The following PKD1 variants were observed in gnomAD, a reference collection of about 807,000 sequenced individuals.
The protein encoded by PKD1 is polycystin 1, transient receptor potential channel interacting.
In PKD1, 81 loss-of-function variants were observed where a neutral mutation model predicts 361.7. The ratio of observed to expected loss-of-function variants is 0.22; its 90% CI spans 0.19 to 0.27. The LOEUF (loss-of-function observed/expected upper bound fraction) is 0.27. Among genes scored for constraint, PKD1 ranks in the 10% least tolerant of loss-of-function variants. The pLI, the probability that PKD1 is intolerant of heterozygous loss-of-function variation, is 1.00. For missense variants in PKD1, 6,399 were observed against 6,118.3 expected, an observed-to-expected ratio of 1.05 and a Z score of -1.53; for synonymous variants, 3,615 against 2,818.3, an observed-to-expected ratio of 1.28 and a Z score of -8.95.
Position 2,100,780 on chromosome 16 carries a change from A to G in PKD1, c.9398-214T>C, listed in dbSNP as rs2151743456. 3.4e-6 allele frequency: 2 copies of G among 593,234 alleles called. No individual in the cohort carries two copies. The highest frequency in any genetic ancestry group is 5.6e-5 in the East Asian group (2 of 35,610). 36.7% of individuals were successfully genotyped at this position (593,234 alleles called of 1,614,324 possible). On this transcript the variant is annotated intron_variant, in intron 26 of 45. Coordinates refer to ENST00000262304, the MANE Select transcript of PKD1 (RefSeq NM_001009944.3). The surrounding 1 kb of genome is among the most constrained non-coding windows in gnomAD (Gnocchi z 4.4). ...AAGGACATGATTAAGTTACATGGAA[A>G]GAACTGTAACTTGTGACATGCAAAC...
In PKD1 at chr16:2,090,124, G is replaced by T. The variant is rs781744375; in HGVS notation, c.12515C>A (p.Ser4172Tyr). Residue 4172 changes from serine to tyrosine, a missense_variant, in exon 46 of 46, where the codon TCC becomes TAC. Ser to Tyr is a moderately radical substitution (Grantham distance 144). Coordinates refer to ENST00000262304, the MANE Select transcript of PKD1 (RefSeq NM_001009944.3). The stretch of plus-strand genomic sequence containing the variant: ...AGCGCTGGGTGGGGGCACATCCGGG[G>T]ATACCTTGGAGCCCCTGGAGGAGCG... Reference protein sequence around the residue: ...PSRSSRGSKVSPDVPPPSAGS... With the variant: ...PSRSSRGSKVYPDVPPPSAGS... 4 of 1,599,488 alleles carry T rather than the reference G, an allele frequency of 2.5e-6. No individual in the cohort carries two copies. The highest frequency in any genetic ancestry group is 3.4e-6 in the Non-Finnish European group (4 of 1,171,742).
In PKD1 at chr16:2,110,012, C is replaced by A; in HGVS notation, c.5155G>T (p.Gly1719Trp). ...DCTMDFVEPV[G>W]WLMVAASPNP... The stretch of plus-strand genomic sequence containing the variant: ...GGGGAGGCGGCCACCATCAGCCACC[C>A]CACAGGCTCCACGAAGTCCATGGTG... The change falls in exon 15 of 46, where the codon GGG becomes TGG. Residue 1719 changes from glycine to tryptophan, a missense_variant. By Grantham distance (184) the Gly-to-Trp change is radical. Transcript: ENST00000262304. 6.2e-7 allele frequency: 1 copy of A among 1,610,346 alleles called. No homozygotes were observed. Among genetic ancestry groups the A allele is most frequent in the Non-Finnish European group, 8.5e-7 (1 of 1,179,630 alleles).
Position 2,088,747 on chromosome 16 carries a change from G to A in PKD1, c.*980C>T. 1.6e-6 allele frequency: 2 copies of A among 1,262,094 alleles called. No individual in the cohort carries two copies. The highest frequency in any genetic ancestry group is 2.2e-6 in the Non-Finnish European group (2 of 921,336). 78.2% of individuals were successfully genotyped at this position (1,262,094 alleles called of 1,614,324 possible). On this transcript the variant is annotated 3_prime_UTR_variant, in exon 46 of 46. Transcript: ENST00000262304. ...CTCTTTTATTGACTTTGTCTGCTTGGTGCGGGGGTTGGGGGGGTGTCGAGG... is the reference window on the plus strand; with the variant it reads ...CTCTTTTATTGACTTTGTCTGCTTGATGCGGGGGTTGGGGGGGTGTCGAGG...
chr16:2,129,509 T>C (rs116032955), intron 1 of PKD1, among the ~76,000 whole-genome samples: 25 of 151,624 alleles, frequency 1.6e-4, no homozygotes, highest in African/African-American at 6.0e-4. Context: ...TCTGTGCGTC[T>C]TCTTTGGAGA....
Position 2,106,273 on chromosome 16 carries a change from C to A in PKD1, c.7521G>T (p.Pro2507=). The A allele has an allele frequency of 1.9e-6, 3 of 1,610,098 alleles. No individual in the cohort carries two copies. The highest frequency in any genetic ancestry group is 2.2e-5 in the East Asian group (1 of 44,862). Residue 2507 remains proline (P), a synonymous_variant, in exon 19 of 46, where the codon CCG becomes CCT. Coordinates refer to ENST00000262304, the MANE Select transcript of PKD1 (RefSeq NM_001009944.3). This position sits in a 1 kb window ranked among gnomAD's most constrained non-coding sequence, Gnocchi z 6.5. ...GWHDAEDAGA[P]LVYALLLRRC... ...GCCGCAGCAGCAGGGCGTACACCAG[C>A]GGGGCGCCAGCATCCTCCGCGTCAT...
intron 14 of PKD1, among the ~76,000 whole-genome samples, 174 bp from the exon 15 acceptor site, chr16:2,112,045 G>A (rs960923725): frequency 3.9e-5 from 6 of 152,242 alleles, no homozygotes; most frequent in African/African-American, 1.4e-4. Flanking sequence ...TAGCAGCACT[G>A]AGGGCTGCCT....
chr16:2,111,230 G>T lies in PKD1; in HGVS notation c.3937C>A (p.Leu1313Ile). ...GGGTTCCCGGTGACGTAGGCCGTGA[G>T]CCGCGCGTCAGGCTGCGTGGGGATG... ...ACIPTQPDARLTAYVTGNPAH... is the reference protein window; with the variant it reads ...ACIPTQPDARITAYVTGNPAH... The change falls in exon 15 of 46, where the codon CTC becomes ATC. Residue 1313 changes from leucine to isoleucine, a missense_variant. Coordinates refer to ENST00000262304, the MANE Select transcript of PKD1 (RefSeq NM_001009944.3). 4.3e-6 allele frequency: 7 copies of T among 1,611,050 alleles called. No individual in the cohort carries two copies. Among genetic ancestry groups the T allele is most frequent in the Non-Finnish European group, 5.1e-6 (6 of 1,179,650 alleles).
rs368759805 is a variant in PKD1 at position 2,109,567 on chromosome 16, T to C, written c.5600A>G (p.Asn1867Ser). Residue 1867 changes from asparagine to serine, a missense_variant, in exon 15 of 46, where the codon AAT (asparagine) becomes AGT (serine). Transcript: ENST00000262304. ...GACCCAGCTGACTGCGTTGGAGGCA[T>C]TGAGCCGGATGGAGAAGGTGCCAGC... is the stretch of plus-strand genomic sequence containing the variant. ...PDAGTFSIRL[N>S]ASNAVSWVSA... is the part of the protein sequence containing the mutation. 6.6e-5 allele frequency: 107 copies of C among 1,611,636 alleles called. No individual in the cohort carries two copies. Among genetic ancestry groups the C allele is most frequent in the Non-Finnish European group, 8.2e-5 (97 of 1,179,588 alleles).
At position 2,108,590 on chromosome 16, in the gene PKD1, C is replaced by T. The variant is rs371909255; in HGVS notation, c.6577G>A (p.Ala2193Thr). 68 of 1,557,508 alleles carry T rather than the reference C, an allele frequency of 4.4e-5. No homozygotes were observed. The highest frequency in any genetic ancestry group is 5.4e-5 in the African/African-American group (4 of 73,866). Reference sequence around the variant, plus strand: ...GGGCGCCCCGGCCGCTGGCAGCTGGCGGTGCGATACACCTCCCAGCGGTAC... The same window carrying T: ...GGGCGCCCCGGCCGCTGGCAGCTGGTGGTGCGATACACCTCCCAGCGGTAC... ...TEYRWEVYRT[A>T]SCQRPGRPAR... is the part of the protein sequence containing the mutation. Residue 2193 changes from alanine (A) to threonine (T), a missense_variant, in exon 15 of 46, where the codon GCC becomes ACC. Ala to Thr is a moderately conservative substitution (Grantham distance 58). Coordinates refer to ENST00000262304, the MANE Select transcript of PKD1 (RefSeq NM_001009944.3).
intron 10 of PKD1, 116 bp from the exon 11 acceptor site, chr16:2,115,041 G>A (rs919713114): frequency 5.3e-6 from 8 of 1,508,114 alleles, no homozygotes; most frequent in African/African-American, 2.7e-5. Flanking sequence ...ACACCTCAAG[G>A]AGCCTCCCCA....
rs750629950 is a variant in PKD1 at position 2,090,342 on chromosome 16, C to G, written c.12387G>C (p.Met4129Ile). Residue 4129 changes from methionine to isoleucine, a missense_variant, in exon 45 of 46, where the codon ATG becomes ATC. Physicochemically the swap from Met to Ile is conservative, Grantham distance 10. Transcript: ENST00000262304. ...RPAWEPQDYE[M>I]VELFLRRLRL... ...GCAGCCTGCGCAGGAACAACTCCAC[C>G]ATCTCGTAGTCCTGGGGCTCCCAGG... is the stretch of plus-strand genomic sequence containing the variant. 1.9e-6 allele frequency: 3 copies of G among 1,612,420 alleles called. No individual in the cohort carries two copies. In the Admixed American group the frequency reaches 5.0e-5, roughly 27 times the overall value.
In PKD1 at chr16:2,090,937, T is replaced by A. The variant is rs1326052130; in HGVS notation, c.11950A>T (p.Ser3984Cys). 1 of 1,573,578 alleles carries A rather than the reference T, an allele frequency of 6.4e-7. No homozygotes were observed. Among genetic ancestry groups the A allele is most frequent in the East Asian group, 2.3e-5 (1 of 43,474 alleles). ...GCCGCCAGGCCACGGGCTGCGGAGC[T>A]CAGCTGCGCCACCTGGTCGAAGCTA... ...FTSFDQVAQL[S>C]SAARGLAASL... Residue 3984 changes from serine (S) to cysteine (C), a missense_variant, in exon 43 of 46, where the codon AGC (serine) becomes TGC (cysteine). Coordinates refer to ENST00000262304, the MANE Select transcript of PKD1 (RefSeq NM_001009944.3).
rs1353421488 is a variant in PKD1, at chr16:2,111,411, C to A, written c.3756G>T (p.Val1252=). The A allele has an allele frequency of 6.2e-7, 1 of 1,611,784 alleles. No homozygotes were observed. Among genetic ancestry groups the A allele is most frequent in the Admixed American group, 1.7e-5 (1 of 59,980 alleles). The part of the protein sequence containing the change: ...TWTFDMGDGT[V]LSGPEATVEH... ...CCACTGTTGCCTCCGGGCCCGACAG[C>A]ACGGTGCCGTCCCCCATGTCGAAGG... The change falls in exon 15 of 46, where the codon GTG becomes GTT. Residue 1252 remains valine, a synonymous_variant. Coordinates refer to ENST00000262304, the MANE Select transcript of PKD1 (RefSeq NM_001009944.3).
rs376991027 is a variant in PKD1, at chr16:2,111,094, G to A, written c.4073C>T (p.Ala1358Val). ...NFTRSGTFPL[A>V]LVLSSRVNRA... ...GTTCACGCGGCTGGACAGCACCAGC[G>A]CCAGGGGGAACGTGCCGCTCCGCGT... The change falls in exon 15 of 46, where the codon GCG (alanine) becomes GTG (valine). Residue 1358 changes from alanine (A) to valine (V), a missense_variant. Transcript: ENST00000262304. The A allele has an allele frequency of 1.4e-4, 223 of 1,610,580 alleles. 1 individual carries two copies. Among genetic ancestry groups the A allele is most frequent in the Non-Finnish European group, 1.8e-4 (210 of 1,179,768 alleles).
chr16:2,097,190 G>C lies in PKD1; in HGVS notation c.10457C>G (p.Pro3486Arg). 6.4e-7 allele frequency: 1 copy of C among 1,561,766 alleles called. No homozygotes were observed. The highest frequency in any genetic ancestry group is 8.7e-7 in the Non-Finnish European group (1 of 1,152,900). ...VLAEGVSSPA[P>R]TQDTHMETDL... ...CGTTTCCATGTGGGTGTCTTGGGTA[G>C]GGGCTGGGCTGCTGACCCCCTCGGC... The change falls in exon 34 of 46, where the codon CCT (proline) becomes CGT (arginine). Residue 3486 changes from proline (P) to arginine (R), a missense_variant. Transcript: ENST00000262304.
rs746313239 is a variant in PKD1 at position 2,097,710 on chromosome 16, T to A, written c.10220+18A>T. The A allele has an allele frequency of 2.5e-6, 4 of 1,610,686 alleles. No individual in the cohort carries two copies. Among genetic ancestry groups the A allele is most frequent in the Non-Finnish European group, 3.4e-6 (4 of 1,179,740 alleles). The stretch of plus-strand genomic sequence containing the variant: ...CAGTGACCTGCACCAGGGCTCGAGG[T>A]TTCTCTAGGGAACCCACCTCTTAGA... On this transcript the variant is annotated intron_variant, in intron 32 of 45. Coordinates refer to ENST00000262304, the MANE Select transcript of PKD1 (RefSeq NM_001009944.3).
Position 2,093,745 on chromosome 16 carries a change from A to AG in PKD1, c.10822-8dup. 2 of 1,576,722 alleles carry AG rather than the reference A, an allele frequency of 1.3e-6. No individual in the cohort carries two copies. Among genetic ancestry groups the AG allele is most frequent in the Non-Finnish European group, 1.7e-6 (2 of 1,160,888 alleles). ...ACAGGGCTTCCAGCAAGACCTGGGG[A>AG]GGGGGTGGCTTCAGAGGGGTCCCCC... On this transcript the variant is annotated splice_polypyrimidine_tract_variant and splice_region_variant and intron_variant, in intron 36 of 45. Transcript: ENST00000262304.
intron 34 of PKD1, among the ~76,000 whole-genome samples, chr16:2,095,962 G>T (rs374514842): frequency 2.0e-4 from 30 of 152,340 alleles, no homozygotes; most frequent in African/African-American, 7.2e-4. Context: ...GCCCTCATGT[G>T]ATGGTTATCT....
chr16:2,127,914 G>A (rs1420481586), intron 1 of PKD1, among the ~76,000 whole-genome samples: 1 of 121,504 alleles, frequency 8.2e-6, no homozygotes, highest in Non-Finnish European at 1.7e-5. Flanking sequence ...GGGAGGGAGA[G>A]GTGGGAGGGG....
Sources: allele counts gnomAD v4.1 joint callset (sites outside exome capture counted in the v4.1 genomes callset), GRCh38; gene constraint gnomAD v4.1.1; non-coding constraint Gnocchi (gnomAD v3.1); transcripts MANE v1.5; gene names NCBI Gene and HGNC (gene_info 2026-07-23, HGNC 2026-07-21).